The following COL19A1 variants were observed in gnomAD, a reference collection of about 807,000 sequenced individuals.
COL19A1 encodes the protein collagen alpha-1(XIX) chain.
In COL19A1, 159 loss-of-function variants were observed where a neutral mutation model predicts 190.2. The observed-to-expected ratio is 0.84, with a 90% CI of 0.73 to 0.95. The LOEUF is 0.95. Among genes scored for constraint, COL19A1 ranks in the 40% least tolerant of loss-of-function variants. COL19A1 has a pLI of 0.00. For missense variants in COL19A1, 1,418 were observed against 1,431.9 expected (o/e 0.99, Z 0.16); for synonymous variants, 509 against 458.9 (o/e 1.11, Z -1.39).
intron 11 of COL19A1, among the ~76,000 whole-genome samples, chr6:69,972,484 G>A (rs981064466): frequency 6.6e-6 from 1 of 152,238 alleles, no homozygotes. Flanking sequence ...TTACTGTGGG[G>A]AAGTATTATA....
intron 4 of COL19A1, among the ~76,000 whole-genome samples, chr6:69,906,234 A>G (rs943613726): frequency 6.6e-6 from 1 of 152,254 alleles, no homozygotes; most frequent in Non-Finnish European, 1.5e-5. Flanking sequence ...TTGAATTTCT[A>G]CATGCTGTTG....
intron 14 of COL19A1, among the ~76,000 whole-genome samples, chr6:70,041,963 G>A (rs1159234569): frequency 6.6e-6 from 1 of 152,142 alleles, no homozygotes; most frequent in Non-Finnish European, 1.5e-5. Context: ...AGCTACTCAG[G>A]GAGGCTAAGT....
chr6:70,111,326 A>G (rs976551773), intron 16 of COL19A1, among the ~76,000 whole-genome samples: 1 of 152,174 alleles, frequency 6.6e-6, no homozygotes, highest in Admixed American at 6.5e-5. Flanking sequence ...CTAGAGAAGC[A>G]ACAAGTTTTC....
intron 18 of COL19A1, among the ~76,000 whole-genome samples, 171 bp from the exon 19 acceptor site, chr6:70,137,514 C>T (rs1416477276): frequency 2.0e-5 from 3 of 152,080 alleles, no homozygotes; most frequent in Non-Finnish European, 4.4e-5. Context: ...TACTGACAAA[C>T]ACATTATCAT....
intron 11 of COL19A1, among the ~76,000 whole-genome samples, chr6:70,009,329 A>C (rs868052343): frequency 6.6e-6 from 1 of 152,074 alleles, no homozygotes; most frequent in Non-Finnish European, 1.5e-5. Flanking sequence ...TTGAATATAC[A>C]AATTTTTATT....
chr6:70,167,994 G>A (rs2150268289), intron 37 of COL19A1, 31 bp from the exon 38 acceptor site: 2 of 1,511,668 alleles, frequency 1.3e-6, no homozygotes, highest in Middle Eastern at 2.4e-4. Context: ...TAACTTCCAA[G>A]AATAATTCTG....
In COL19A1 at chr6:70,171,670, T is replaced by C. The variant is rs575325087; in HGVS notation, c.2569-294T>C. ...CCCCATCTTTCATTCTAGTTCTTAT[T>C]GAAATTGGAGTTATCACTGAGTAGA... On this transcript the variant is annotated intron_variant, in intron 40 of 50. Coordinates refer to ENST00000620364, the MANE Select transcript of COL19A1 (RefSeq NM_001858.6). Among the ~76,000 whole-genome samples, 11 of 152,308 alleles carry C rather than the reference T, an allele frequency of 7.2e-5. No homozygotes were observed. In the East Asian group the frequency reaches 2.1e-3, roughly 29 times the overall value.
chr6:69,872,284 G>A (rs138635177), intron 1 of COL19A1, among the ~76,000 whole-genome samples: 46 of 152,184 alleles, frequency 3.0e-4, no homozygotes, highest in African/African-American at 1.1e-3. Flanking sequence ...TATCCCCAGT[G>A]ATTGTTACAT....
Position 69,938,288 on chromosome 6 carries a change from A to G in COL19A1, c.936+188A>G, listed in dbSNP as rs78276868. Among the ~76,000 whole-genome samples, 832 of 152,234 alleles carry G rather than the reference A, an allele frequency of 5.5e-3. 19 individuals are homozygous for G. The East Asian group carries it at 0.068, about 12-fold the overall frequency. On this transcript the variant is annotated intron_variant, in intron 9 of 50. Coordinates refer to ENST00000620364, the MANE Select transcript of COL19A1 (RefSeq NM_001858.6). ...CATTCTAGTCAGCTTTTGAATTCAT[A>G]TTGGTAGGCTGGTGTGAACTTTGGA...
chr6:69,892,384 C>A (rs1769411233), intron 2 of COL19A1, among the ~76,000 whole-genome samples: 1 of 152,150 alleles, frequency 6.6e-6, no homozygotes, highest in South Asian at 2.1e-4. Flanking sequence ...AATTTAATGA[C>A]AAATATATGA....
chr6:70,135,889 C>T (rs149855014), intron 18 of COL19A1, among the ~76,000 whole-genome samples: 4 of 152,084 alleles, frequency 2.6e-5, no homozygotes, highest in South Asian at 2.1e-4. Context: ...GGTCATGTCC[C>T]GGTCTTCTTG....
chr6:69,913,405 A>G (rs1046702310), intron 4 of COL19A1, among the ~76,000 whole-genome samples: 2 of 152,222 alleles, frequency 1.3e-5, no homozygotes, highest in African/African-American at 4.8e-5. Context: ...TTGGAAGGAC[A>G]GGCCAAAAAT....
In COL19A1 at chr6:69,900,338, T is replaced by A. The variant is rs749754342; in HGVS notation, c.266T>A (p.Ile89Asn). The A allele has an allele frequency of 6.8e-7, 1 of 1,477,250 alleles. No individual in the cohort carries two copies. Among genetic ancestry groups the A allele is most frequent in the South Asian group, 1.4e-5 (1 of 73,314 alleles). 91.5% of individuals were successfully genotyped at this position (1,477,250 alleles called of 1,614,324 possible). A position where few individuals can be genotyped will look rare whatever the true frequency, so the allele number is the denominator to read the frequency against. ...AGTGCACTTCTTATTAGAGACACTA[T>A]GTAAGTAAAAAATTATTTTCTTTAT... ...LGSALLIRDT[I>N]KIFPKGLPEE... The change falls in exon 4 of 51, where the codon ATT becomes AAT. Residue 89 changes from isoleucine (I) to asparagine (N), a missense_variant and splice_region_variant. By Grantham distance (149) the Ile-to-Asn change is moderately radical. Transcript: ENST00000620364.
intron 16 of COL19A1, among the ~76,000 whole-genome samples, chr6:70,119,024 A>G (rs1174287258): frequency 1.3e-5 from 2 of 152,196 alleles, no homozygotes; most frequent in Non-Finnish European, 2.9e-5. Flanking sequence ...TTTACAAATC[A>G]TTATCATTCT....
chr6:70,175,669 C>T (rs1765756783), intron 41 of COL19A1, among the ~76,000 whole-genome samples: 1 of 151,952 alleles, frequency 6.6e-6, no homozygotes, highest in African/African-American at 2.4e-5. Context: ...TTACTAGTAT[C>T]TCTTTATTAT....
chr6:69,995,097 C>T (rs549149717), intron 11 of COL19A1, among the ~76,000 whole-genome samples: 12 of 152,246 alleles, frequency 7.9e-5, no homozygotes, highest in African/African-American at 2.9e-4. Context: ...TAACTTGCCC[C>T]ATTATTTGTC....
chr6:69,988,682 C>G (rs888511730), intron 11 of COL19A1, among the ~76,000 whole-genome samples: 1 of 152,090 alleles, frequency 6.6e-6, no homozygotes. Flanking sequence ...GTTGGAGATT[C>G]AAAACAAACC....
At position 69,938,055 on chromosome 6, in the gene COL19A1, A is replaced by C. The variant is rs141845331; in HGVS notation, c.891A>C (p.Pro297=). 14 of 1,612,646 alleles carry C rather than the reference A, an allele frequency of 8.7e-6. No homozygotes were observed. Among genetic ancestry groups the C allele is most frequent in the Middle Eastern group, 1.7e-4 (1 of 6,054 alleles). Residue 297 remains proline, a synonymous_variant, in exon 9 of 51, where the codon CCA becomes CCC. Coordinates refer to ENST00000620364, the MANE Select transcript of COL19A1 (RefSeq NM_001858.6). ...TTGCTCAGGGAGAAGCAGGATTACC[A>C]GGAGCTCCGGGTTCACCTGGGCAGA... ...CIPNKGEAGL[P]GAPGSPGQKG...
chr6:69,987,760 T>A (rs1283540612), intron 11 of COL19A1, among the ~76,000 whole-genome samples: 1 of 152,212 alleles, frequency 6.6e-6, no homozygotes, highest in Non-Finnish European at 1.5e-5. Flanking sequence ...CATGCTTACT[T>A]GGGAGCCTCC....
Sources: gnomAD v4.1 joint callset for allele counts (sites outside exome capture counted in the v4.1 genomes callset) on GRCh38, gnomAD v4.1.1 for gene constraint, MANE v1.5 for transcripts, NCBI Gene and HGNC (gene_info 2026-07-23, HGNC 2026-07-21) for gene names.